Variants in TMOD1 observed in about 807,000 individuals in gnomAD.
The protein encoded by TMOD1 is tropomodulin 1.
TMOD1 carries 17 observed loss-of-function variants against 40.6 expected under a neutral mutation model. That is an observed-to-expected ratio of 0.42 (90% CI 0.29 to 0.63). The LOEUF (loss-of-function observed/expected upper bound fraction) is 0.63. TMOD1 is among the 20% of genes least tolerant of loss of function. TMOD1 has a pLI of 0.22. For missense variants in TMOD1, 391 were observed against 447.6 expected (o/e 0.87, Z 1.14); for synonymous variants, 181 against 175.0 (o/e 1.03, Z -0.27).
chr9:97,541,487 C>A (rs867173353), intron 2 of TMOD1, among the ~76,000 whole-genome samples: 9 of 151,878 alleles, frequency 5.9e-5, no homozygotes, highest in African/African-American at 2.2e-4. Flanking sequence ...CTGTGCCCAG[C>A]CACTTGACCA....
At chr9:97,574,493 C>G (rs1830886118) in intron 8 of TMOD1, among the ~76,000 whole-genome samples, 1 of 152,216 alleles carries the variant, frequency 6.6e-6, no homozygotes, top group Non-Finnish European at 1.5e-5. Context: ...CGAACCTCCC[C>G]GACAAGCGCC....
intron 8 of TMOD1, among the ~76,000 whole-genome samples, chr9:97,588,140 A>T (rs935826103): frequency 1.3e-5 from 2 of 152,218 alleles, no homozygotes; most frequent in Admixed American, 6.5e-5. Flanking sequence ...GTCATATGGT[A>T]GCTCTATGTT....
intron 1 of TMOD1, among the ~76,000 whole-genome samples, chr9:97,504,489 G>A (rs894357845): frequency 6.6e-6 from 1 of 152,208 alleles, no homozygotes; most frequent in Admixed American, 6.5e-5. Context: ...GAACCCAGGA[G>A]AGGGGAGAGA....
chr9:97,510,526 C>T lies in TMOD1; in HGVS notation c.-49+8723C>T, dbSNP rs564648211. ...GATTACAGGCCTGAGCCACCACACC[C>T]GGTCTACAGGTTAGCTTTTATTCTA... On this transcript the variant is annotated intron_variant, in intron 1 of 9. Transcript: ENST00000259365. Among the ~76,000 whole-genome samples the T allele has an allele frequency of 2.0e-4, 30 of 152,322 alleles. No individual in the cohort carries two copies. In the East Asian group the frequency reaches 4.0e-3, roughly 21 times the overall value.
intron 7 of TMOD1, among the ~76,000 whole-genome samples, chr9:97,566,728 C>T (rs1329753369): frequency 6.6e-6 from 1 of 152,096 alleles, no homozygotes; most frequent in South Asian, 2.1e-4. Context: ...GTTTCATCAG[C>T]AGGTCCCAAT....
At chr9:97,541,989 C>T (rs1233166736) in intron 2 of TMOD1, among the ~76,000 whole-genome samples, 1 of 152,174 alleles carries the variant, frequency 6.6e-6, no homozygotes, top group Admixed American at 6.5e-5. Flanking sequence ...TAATGAAGTC[C>T]AAGTAATCTA....
At chr9:97,504,054 T>C (rs1281445955) in intron 1 of TMOD1, among the ~76,000 whole-genome samples, 1 of 152,092 alleles carries the variant, frequency 6.6e-6, no homozygotes, top group East Asian at 1.9e-4. Context: ...ACCATCAGGA[T>C]TGGCAGGGAT....
At chr9:97,542,229 C>T (rs902543898) in intron 2 of TMOD1, among the ~76,000 whole-genome samples, 1 of 152,106 alleles carries the variant, frequency 6.6e-6, no homozygotes, top group Non-Finnish European at 1.5e-5. Flanking sequence ...ATGCATCTAT[C>T]TTTGGTTTTA....
intron 1 of TMOD1, among the ~76,000 whole-genome samples, chr9:97,505,364 G>T (rs1004753547): frequency 2.0e-5 from 3 of 152,162 alleles, no homozygotes; most frequent in East Asian, 1.9e-4. Context: ...GTTCTCAGGG[G>T]CCCCAGCCTC....
intron 3 of TMOD1, among the ~76,000 whole-genome samples, chr9:97,550,919 G>A (rs892091971): frequency 2.1e-5 from 3 of 145,936 alleles, no homozygotes; most frequent in Admixed American, 1.4e-4. Context: ...TCGTGTTTTT[G>A]TTATCATATC....
At chr9:97,568,798 T>G (rs922047098) in intron 7 of TMOD1, 96 bp from the exon 8 acceptor site, 35 of 1,435,382 alleles carry the variant, frequency 2.4e-5, no homozygotes, top group Admixed American at 1.6e-4. Context: ...GAGATCATCC[T>G]CCTGTTCCCC....
In TMOD1 at chr9:97,565,947, G is replaced by A. The variant is rs767885123; in HGVS notation, c.718G>A (p.Val240Met). The A allele has an allele frequency of 8.1e-6, 13 of 1,613,734 alleles. No homozygotes were observed. Among genetic ancestry groups the A allele is most frequent in the Middle Eastern group, 1.6e-4 (1 of 6,080 alleles). ...SIVGTRSNDP[V>M]AYALAEMLKE... ...CGTGGGGACACGGAGTAATGACCCC[G>A]TGGCGTATGTATGTACCTTTCTGTT... is the stretch of plus-strand genomic sequence containing the variant. Residue 240 changes from valine (V) to methionine (M), a missense_variant, in exon 7 of 10, where the codon GTG (valine) becomes ATG (methionine). By Grantham distance (21) the Val-to-Met change is conservative. Transcript: ENST00000259365.
At chr9:97,521,044 A>G (rs951247492) in intron 1 of TMOD1, among the ~76,000 whole-genome samples, 23 of 152,054 alleles carry the variant, frequency 1.5e-4, no homozygotes, top group Non-Finnish European at 3.1e-4. Context: ...AGTATGAGAC[A>G]CTCCCAGGGT....
intron 1 of TMOD1, among the ~76,000 whole-genome samples, chr9:97,518,533 A>C (rs1424916374): frequency 6.6e-6 from 1 of 152,014 alleles, no homozygotes; most frequent in Non-Finnish European, 1.5e-5. Context: ...CTTTTACCCA[A>C]CTCCTCTTTT....
At chr9:97,533,150 C>T (rs1830128312) in intron 2 of TMOD1, among the ~76,000 whole-genome samples, 1 of 152,206 alleles carries the variant, frequency 6.6e-6, no homozygotes, top group Non-Finnish European at 1.5e-5. Flanking sequence ...TATTTAAATG[C>T]ACAGACCAAA....
chr9:97,538,506 T>C (rs562601707), intron 2 of TMOD1, among the ~76,000 whole-genome samples: 1 of 152,162 alleles, frequency 6.6e-6, no homozygotes, highest in South Asian at 2.1e-4. Flanking sequence ...ATTTATCCTG[T>C]GCACATTTTA....
chr9:97,539,353 T>C (rs1171218944), intron 2 of TMOD1, among the ~76,000 whole-genome samples: 1 of 152,174 alleles, frequency 6.6e-6, no homozygotes. Context: ...AGAGTCAGTA[T>C]TAGGTTCTAA....
chr9:97,507,133 G>A (rs1351726510), intron 1 of TMOD1, among the ~76,000 whole-genome samples: 1 of 152,064 alleles, frequency 6.6e-6, no homozygotes, highest in Admixed American at 6.5e-5. Flanking sequence ...TTTGTGCCTT[G>A]GATCAAAATC....
intron 4 of TMOD1, among the ~76,000 whole-genome samples, chr9:97,560,669 G>GTATA (rs3052076): frequency 0.041 from 6,002 of 144,660 alleles, 284 homozygotes; most frequent in African/African-American, 0.11. Context: ...TTTTTGTATT[G>GTATA]TATATATATA....
Sources: allele counts gnomAD v4.1 joint callset (sites outside exome capture counted in the v4.1 genomes callset), GRCh38; gene constraint gnomAD v4.1.1; transcripts MANE v1.5; gene names NCBI Gene and HGNC (gene_info 2026-07-23, HGNC 2026-07-21).